The following UNC5D variants were observed in gnomAD, a reference collection of about 807,000 sequenced individuals.
UNC5D encodes the protein unc-5 netrin receptor D.
In UNC5D, 39 loss-of-function variants were observed where a neutral mutation model predicts 105.4. That is an observed-to-expected ratio of 0.37 (90% CI 0.29 to 0.48). UNC5D has a LOEUF of 0.48. UNC5D is among the 20% of genes least tolerant of loss of function. The probability of loss-of-function intolerance (pLI) is 0.98; values close to 1 mark genes in which losing one functional copy is unlikely to be tolerated. For synonymous variants in UNC5D, 452 were observed against 450.4 expected, an observed-to-expected ratio of 1.00 and a Z score of -0.04; for missense variants, 991 against 1,202.4, an observed-to-expected ratio of 0.82 and a Z score of 2.60.
rs149616956 is a variant in UNC5D, at chr8:35,571,415, T to A, written c.466+3174T>A. 2.3e-3 allele frequency among the ~76,000 whole-genome samples: 354 copies of A among 152,362 alleles called. 8 individuals are homozygous for A. The highest frequency in any genetic ancestry group is 0.012 in the Admixed American group (185 of 15,306). ...CTCATGTAGCAAGTGAGAGGTTTTT[T>A]AATTTATTTAAAATTATTTATGCAA... On this transcript the variant is annotated intron_variant, in intron 3 of 16. Coordinates refer to ENST00000404895, the MANE Select transcript of UNC5D (RefSeq NM_080872.4).
intron 1 of UNC5D, among the ~76,000 whole-genome samples, chr8:35,456,043 T>C (rs1235775183): frequency 6.6e-6 from 1 of 152,150 alleles, no homozygotes; most frequent in Admixed American, 6.6e-5. Context: ...GGGATTCTAC[T>C]TCCTAGCAGT....
At chr8:35,438,382 C>T (rs974285070) in intron 1 of UNC5D, among the ~76,000 whole-genome samples, 1 of 151,938 alleles carries the variant, frequency 6.6e-6, no homozygotes, top group Non-Finnish European at 1.5e-5. Flanking sequence ...CATGGTGCCT[C>T]AGTGGTGCAC....
At chr8:35,641,366 C>CAAAAAAAAAAA (rs377021599) in intron 4 of UNC5D, among the ~76,000 whole-genome samples, 36 of 44,254 alleles carry the variant, frequency 8.1e-4, no homozygotes, top group African/African-American at 1.2e-3. Context: ...AAAAATAAAG[C>CAAAAAAAAAAA]AAAAAAAAAA....
At chr8:35,646,493 G>A (rs1823058315) in intron 4 of UNC5D, among the ~76,000 whole-genome samples, 1 of 151,982 alleles carries the variant, frequency 6.6e-6, no homozygotes, top group Admixed American at 6.6e-5. Context: ...ACCCAGTCCT[G>A]AAATACCCAG....
At chr8:35,473,107 C>T (rs752526689) in intron 1 of UNC5D, among the ~76,000 whole-genome samples, 3 of 152,032 alleles carry the variant, frequency 2.0e-5, no homozygotes, top group African/African-American at 7.2e-5. Flanking sequence ...ACAAAACTTC[C>T]AAGAAGCAAA....
intron 1 of UNC5D, among the ~76,000 whole-genome samples, chr8:35,267,521 C>T (rs1041237486): frequency 1.3e-5 from 2 of 152,082 alleles, no homozygotes; most frequent in Non-Finnish European, 2.9e-5. Context: ...TCACTGCAAC[C>T]TCCGCCTCCC....
At chr8:35,565,087 G>A (rs191321724) in intron 2 of UNC5D, among the ~76,000 whole-genome samples, 6 of 152,146 alleles carry the variant, frequency 3.9e-5, no homozygotes, top group South Asian at 2.1e-4. Flanking sequence ...TAATGACTTC[G>A]TTTTCTTTGG....
intron 4 of UNC5D, among the ~76,000 whole-genome samples, chr8:35,635,969 G>A (rs1410840953): frequency 1.3e-5 from 2 of 152,136 alleles, no homozygotes; most frequent in African/African-American, 2.4e-5. Flanking sequence ...TCATAGGGGA[G>A]GAAACTATTG....
chr8:35,727,821 A>C (rs1456311188), intron 10 of UNC5D: 2 of 152,144 alleles, frequency 1.3e-5, no homozygotes, highest in African/African-American at 4.8e-5. Flanking sequence ...TTGGAAGATA[A>C]TGAGTCAATC....
chr8:35,394,160 G>C (rs1245310859), intron 1 of UNC5D, among the ~76,000 whole-genome samples: 1 of 152,120 alleles, frequency 6.6e-6, no homozygotes, highest in African/African-American at 2.4e-5. Context: ...AAAAGCAGAA[G>C]AAAACGATAT....
chr8:35,780,623 G>A (rs1802461797), intron 16 of UNC5D, among the ~76,000 whole-genome samples: 1 of 152,210 alleles, frequency 6.6e-6, no homozygotes, highest in Non-Finnish European at 1.5e-5. Flanking sequence ...GATGCAGACA[G>A]AGCACCAGCT....
At chr8:35,489,534 G>A (rs921335569) in intron 1 of UNC5D, among the ~76,000 whole-genome samples, 2 of 152,102 alleles carry the variant, frequency 1.3e-5, no homozygotes, top group Non-Finnish European at 2.9e-5. Flanking sequence ...CTAGGGATGT[G>A]CAGACACAGA....
At chr8:35,685,827 A>T (rs1225926405) in intron 6 of UNC5D, among the ~76,000 whole-genome samples, 1 of 152,088 alleles carries the variant, frequency 6.6e-6, no homozygotes, top group African/African-American at 2.4e-5. Flanking sequence ...ATAGTACCCT[A>T]TTCTTGATTA....
intron 1 of UNC5D, among the ~76,000 whole-genome samples, chr8:35,324,083 AGCCAGGCGTGGTGGC>A (rs1809958156): frequency 6.6e-6 from 1 of 151,960 alleles, no homozygotes; most frequent in Non-Finnish European, 1.5e-5. Flanking sequence ...GTTAAAAATT[AGCCAGGCGTGGTGGC>A]ATCCACCTAT....
chr8:35,503,150 G>T (rs1205115722), intron 1 of UNC5D, among the ~76,000 whole-genome samples: 2 of 152,138 alleles, frequency 1.3e-5, no homozygotes, highest in African/African-American at 4.8e-5. Flanking sequence ...GCAGAGCAGG[G>T]ACTCAAAGTG....
intron 4 of UNC5D, among the ~76,000 whole-genome samples, chr8:35,597,369 C>T (rs1363768579): frequency 6.6e-6 from 1 of 152,208 alleles, no homozygotes; most frequent in Non-Finnish European, 1.5e-5. Flanking sequence ...AGCATGCCCT[C>T]CTTTCCTGAA....
chr8:35,297,968 C>G (rs972900656), intron 1 of UNC5D, among the ~76,000 whole-genome samples: 3 of 152,130 alleles, frequency 2.0e-5, no homozygotes. Flanking sequence ...CAGTAGCATT[C>G]CTCTCTGTCT....
At chr8:35,789,188 TGA>T (rs1427903036) in intron 16 of UNC5D, among the ~76,000 whole-genome samples, 1 of 99,910 alleles carries the variant, frequency 1.0e-5, no homozygotes, top group African/African-American at 3.8e-5. Context: ...TATATATATA[TGA>T]GATAGGGATA....
intron 1 of UNC5D, among the ~76,000 whole-genome samples, chr8:35,393,967 TCTTCTC>T (rs905088640): frequency 2.0e-5 from 3 of 152,180 alleles, no homozygotes; most frequent in African/African-American, 4.8e-5. Context: ...TTCTTCCCTT[TCTTCTC>T]CTTCTCCTTC....
Sources: gnomAD v4.1 joint callset for allele counts (sites outside exome capture counted in the v4.1 genomes callset) on GRCh38, gnomAD v4.1.1 for gene constraint, MANE v1.5 for transcripts, NCBI Gene and HGNC (gene_info 2026-07-23, HGNC 2026-07-21) for gene names.